The following LRRIQ3 variants were observed in gnomAD, a reference collection of about 807,000 sequenced individuals.
LRRIQ3 encodes the protein leucine rich repeats and IQ motif containing 3.
Under a neutral mutation model 59.3 loss-of-function variants are expected in LRRIQ3, and 75 were observed. That is an observed-to-expected ratio of 1.26 (90% CI 1.05 to 1.53). LRRIQ3 has a LOEUF of 1.53. Ranked by LOEUF, LRRIQ3 falls within the 40% of genes most tolerant of loss-of-function variation. LRRIQ3 has a pLI of 0.00. For missense variants in LRRIQ3, 831 were observed against 710.0 expected (o/e 1.17, Z -1.94); for synonymous variants, 250 against 231.3 (o/e 1.08, Z -0.73).
At chr1:74,047,183 G>GAACCA (rs1654230273) in intron 6 of LRRIQ3, among the ~76,000 whole-genome samples, 1 of 152,088 alleles carries the variant, frequency 6.6e-6, no homozygotes, top group African/African-American at 2.4e-5. Context: ...GAAAGACTTG[G>GAACCA]AACCAACCCA....
intron 7 of LRRIQ3, among the ~76,000 whole-genome samples, chr1:74,031,183 C>T (rs1428513744): frequency 6.6e-6 from 1 of 152,110 alleles, no homozygotes; most frequent in East Asian, 1.9e-4. Context: ...ACTAGTTCCA[C>T]CATTGTGGAA....
intron 1 of LRRIQ3, among the ~76,000 whole-genome samples, chr1:74,189,741 T>C (rs533940207): frequency 6.6e-6 from 1 of 152,178 alleles, no homozygotes; most frequent in Admixed American, 6.5e-5. Context: ...TTTTCTTTGT[T>C]CTCATTCTCT....
rs1296679624 is a variant in LRRIQ3, at chr1:74,041,340, C to T, written c.1591G>A (p.Gly531Arg). The change falls in exon 7 of 8, where the codon GGA becomes AGA. Residue 531 changes from glycine to arginine, a missense_variant. Coordinates refer to ENST00000354431, the MANE Select transcript of LRRIQ3 (RefSeq NM_001105659.2). ...LNNERTLLTR[G>R]LLKIDRLEKN... ...TCCAGTCTGTCAATTTTAAGTAGTCCTCTGGTCAAAAGAGTGCGCTCATTA... is the reference window on the plus strand; with the variant it reads ...TCCAGTCTGTCAATTTTAAGTAGTCTTCTGGTCAAAAGAGTGCGCTCATTA... 2 of 1,613,550 alleles carry T rather than the reference C, an allele frequency of 1.2e-6. No homozygotes were observed. Among genetic ancestry groups the T allele is most frequent in the South Asian group, 1.1e-5 (1 of 91,056 alleles).
At chr1:74,182,279 G>T (rs1255904249) in intron 3 of LRRIQ3, 7 of 203,650 alleles carry the variant, frequency 3.4e-5, no homozygotes, top group Non-Finnish European at 4.9e-5. Context: ...ATAAATTAGA[G>T]ATTTACTTTC....
At chr1:74,130,512 CT>C (rs1251798753) in intron 4 of LRRIQ3, among the ~76,000 whole-genome samples, 7 of 152,116 alleles carry the variant, frequency 4.6e-5, no homozygotes, top group African/African-American at 1.7e-4. Context: ...CAATTAAGGA[CT>C]GGCTTTCCTA....
intron 4 of LRRIQ3, among the ~76,000 whole-genome samples, chr1:74,128,380 A>G (rs1646966155): frequency 6.6e-6 from 1 of 152,200 alleles, no homozygotes; most frequent in South Asian, 2.1e-4. Context: ...TTCTGGTAAG[A>G]GACCGATTTA....
At chr1:74,081,583 G>A (rs901613788) in intron 5 of LRRIQ3, among the ~76,000 whole-genome samples, 1 of 151,530 alleles carries the variant, frequency 6.6e-6, no homozygotes, top group African/African-American at 2.4e-5. Context: ...TGTAGTAATT[G>A]ATACTAGGTG....
intron 5 of LRRIQ3, among the ~76,000 whole-genome samples, chr1:74,080,468 AG>A (rs889335229): frequency 4.0e-5 from 6 of 151,688 alleles, no homozygotes; most frequent in African/African-American, 9.7e-5. Flanking sequence ...TTAAAAATTA[AG>A]GAGCGGTAGC....
chr1:74,151,104 G>A lies in LRRIQ3; in HGVS notation c.707+4629C>T, dbSNP rs1222556472. Among the ~76,000 whole-genome samples, 6 of 133,524 alleles carry A rather than the reference G, an allele frequency of 4.5e-5. No homozygotes were observed. The South Asian group carries it at 1.0e-3, about 23-fold the overall frequency. The allele number at this position is 133,524 out of a possible 152,430, so 87.6% of individuals were successfully genotyped here. On this transcript the variant is annotated intron_variant, in intron 4 of 7. Transcript: ENST00000354431. The stretch of plus-strand genomic sequence containing the variant: ...GCGATCTCGGCTCACTACAACCTCC[G>A]CCTCCTGGGTTCAAGCAATTCTCCT...
intron 7 of LRRIQ3, among the ~76,000 whole-genome samples, chr1:74,032,618 G>C (rs180880564): frequency 6.6e-6 from 1 of 152,106 alleles, no homozygotes; most frequent in Non-Finnish European, 1.5e-5. Context: ...TATTTGAAAG[G>C]CTCATGTGAT....
chr1:74,127,389 T>C (rs1201022593), intron 4 of LRRIQ3, among the ~76,000 whole-genome samples: 1 of 151,986 alleles, frequency 6.6e-6, no homozygotes, highest in Admixed American at 6.6e-5. Flanking sequence ...CATTTTGTTA[T>C]TTGTTTTCTA....
At chr1:74,119,926 C>T (rs1210623367) in intron 4 of LRRIQ3, among the ~76,000 whole-genome samples, 1 of 152,000 alleles carries the variant, frequency 6.6e-6, no homozygotes, top group African/African-American at 2.4e-5. Context: ...ACTTTAAAAG[C>T]ATATTTCCCA....
intron 3 of LRRIQ3, among the ~76,000 whole-genome samples, chr1:74,171,856 G>A (rs1472684688): frequency 2.0e-5 from 3 of 151,988 alleles, no homozygotes; most frequent in African/African-American, 7.2e-5. Flanking sequence ...ATTCTTGGGA[G>A]GTTGTATGTT....
rs1205609156 is a variant in LRRIQ3 at position 74,183,472 on chromosome 1, A to T, written c.213T>A (p.Cys71Ter). ...FITDIHPLQS[C>*]IKLIKLDLHG... ...GGAGATCAAGTTTGATTAATTTTAT[A>T]CAACTTTGAAGTGGATGAATATCTG... The change falls in exon 2 of 8, where the codon TGT becomes TGA. Residue 71 changes from cysteine to a stop codon, truncating the protein, a stop_gained. Transcript: ENST00000354431. LOFTEE classifies it high-confidence loss of function. The T allele has an allele frequency of 1.8e-5, 29 of 1,600,056 alleles. No individual in the cohort carries two copies. The highest frequency in any genetic ancestry group is 2.5e-5 in the Non-Finnish European group (29 of 1,173,324).
At position 74,195,058 on chromosome 1, in the gene LRRIQ3, G is replaced by A. The variant is rs1305389376; in HGVS notation, c.-1+2938C>T. Among the ~76,000 whole-genome samples the A allele has an allele frequency of 2.6e-5, 4 of 152,096 alleles. No homozygotes were observed. In the South Asian group the frequency reaches 6.2e-4, roughly 24 times the overall value. Reference sequence around the variant, plus strand: ...AAGTATAATAAAAGTTCAGGGGTGGGAGAATGTTTCTCTGCACTACAGAAA... The same window carrying A: ...AAGTATAATAAAAGTTCAGGGGTGGAAGAATGTTTCTCTGCACTACAGAAA... On this transcript the variant is annotated intron_variant, in intron 1 of 7. Transcript: ENST00000354431.
At position 74,139,106 on chromosome 1, in the gene LRRIQ3, ACATATATGTATGTGTGTGTG is replaced by A. The variant is rs1647183059; in HGVS notation, c.707+16607_707+16626del. ...TGTATGTGTGTGTGTATATATATAT[ACATATATGTATGTGTGTGTG>A]TATATATATATATACATGTGTGTGT... On this transcript the variant is annotated intron_variant, in intron 4 of 7. Coordinates refer to ENST00000354431, the MANE Select transcript of LRRIQ3 (RefSeq NM_001105659.2). Among the ~76,000 whole-genome samples, 3 of 129,080 alleles carry A rather than the reference ACATATATGTATGTGTGTGTG, an allele frequency of 2.3e-5. No homozygotes were observed. The Admixed American group carries it at 2.6e-4, about 11-fold the overall frequency. 84.7% of individuals were successfully genotyped at this position (129,080 alleles called of 152,430 possible). A position where few individuals can be genotyped will look rare whatever the true frequency, so the allele number is the denominator to read the frequency against.
chr1:74,098,100 C>T (rs1233662727), intron 5 of LRRIQ3, among the ~76,000 whole-genome samples: 5 of 152,126 alleles, frequency 3.3e-5, no homozygotes, highest in Admixed American at 2.0e-4. Flanking sequence ...AATTAAAAGA[C>T]ACAGACTGGC....
chr1:74,189,864 G>T (rs892168545), intron 1 of LRRIQ3, among the ~76,000 whole-genome samples: 1 of 151,964 alleles, frequency 6.6e-6, no homozygotes, highest in East Asian at 1.9e-4. Context: ...TAAATTACCC[G>T]GTGTTGAGTG....
chr1:74,166,340 C>T (rs540547429), intron 3 of LRRIQ3, among the ~76,000 whole-genome samples: 1 of 151,348 alleles, frequency 6.6e-6, no homozygotes, highest in African/African-American at 2.4e-5. Flanking sequence ...GTCTAGTTTA[C>T]GTGTGTAGAA....
Sources: allele counts gnomAD v4.1 joint callset (sites outside exome capture counted in the v4.1 genomes callset), GRCh38; gene constraint gnomAD v4.1.1; transcripts MANE v1.5; gene names NCBI Gene and HGNC (gene_info 2026-07-23, HGNC 2026-07-21).